Variants in TASOR2 observed in about 807,000 individuals in gnomAD.
TASOR2 encodes the protein transcription activation suppressor family member 2, also known as protein TASOR 2.
A neutral mutation model predicts 199.5 loss-of-function variants in TASOR2; 84 were observed. The observed-to-expected ratio is 0.42, with a 90% CI of 0.35 to 0.50. The LOEUF (loss-of-function observed/expected upper bound fraction) is 0.50. TASOR2 is among the 20% of genes least tolerant of loss of function. The probability of loss-of-function intolerance (pLI) is 0.02; values close to 1 mark genes in which losing one functional copy is unlikely to be tolerated. For synonymous variants in TASOR2, 1,103 were observed against 1,046.6 expected (o/e 1.05, Z -1.04); for missense variants, 2,796 against 2,835.9 (o/e 0.99, Z 0.32).
chr10:5,749,590 G>A (rs201298628), exon 15 of TASOR2: 26 of 1,614,106 alleles, frequency 1.6e-5, no homozygotes, highest in Non-Finnish European at 2.1e-5. Context: ...GCCCAGGAGA[G>A]GCTACACAGC....
chr10:5,750,863 C>T lies in TASOR2; in HGVS notation c.6606+836C>T, dbSNP rs1362873227. On this transcript the variant is annotated intron_variant, in intron 15 of 20. Transcript: ENST00000328090. This position sits in a 1 kb window ranked among gnomAD's most constrained non-coding sequence, Gnocchi z 5.4. ...TAATTAAAGTGACCATCTCCATTAA[C>T]CTCATCTAGGTCTAGGATCATAGGT... 2.0e-5 allele frequency among the ~76,000 whole-genome samples: 3 copies of T among 152,196 alleles called. No homozygotes were observed. The highest frequency in any genetic ancestry group is 7.2e-5 in the African/African-American group (3 of 41,434).
intron 1 of TASOR2, among the ~76,000 whole-genome samples, chr10:5,707,610 G>T (rs910823959): frequency 1.5e-4 from 22 of 151,608 alleles, no homozygotes; most frequent in African/African-American, 5.1e-4. Flanking sequence ...AAAGGGAGTG[G>T]AATTACCATA....
chr10:5,746,223 T>G, exon 15 of TASOR2: 1 of 1,610,778 alleles, frequency 6.2e-7, no homozygotes, highest in African/African-American at 1.3e-5. Context: ...AGACTTCTAA[T>G]CTTGTGCTTT....
chr10:5,749,372 A>G (rs1837688907), exon 15 of TASOR2: 2 of 1,614,148 alleles, frequency 1.2e-6, no homozygotes, highest in African/African-American at 2.7e-5. Flanking sequence ...CGTTTTGCAC[A>G]TAAACTAAAA....
intron 1 of TASOR2, among the ~76,000 whole-genome samples, chr10:5,691,273 T>C (rs1436290320): frequency 1.3e-5 from 2 of 152,132 alleles, no homozygotes; most frequent in East Asian, 3.9e-4. Context: ...TTACATAATG[T>C]AGGAGGAAAA....
Position 5,748,225 on chromosome 10 carries a change from A to G in TASOR2, c.4804A>G (p.Asn1602Asp). 6.2e-7 allele frequency: 1 copy of G among 1,614,206 alleles called. No individual in the cohort carries two copies. Among genetic ancestry groups the G allele is most frequent in the Non-Finnish European group, 8.5e-7 (1 of 1,180,022 alleles). The change falls in exon 15 of 21, where the codon AAT becomes GAT. Residue 1602 changes from asparagine (N) to aspartate (D), a missense_variant. Transcript: ENST00000328090. This position sits in a 1 kb window ranked among gnomAD's most constrained non-coding sequence, Gnocchi z 5.1. ...CACAACTGCACCAAGTGGTATAGTG[A>G]ATGTGTCAGTAAAACAGCAGACTAG...
intron 15 of TASOR2, among the ~76,000 whole-genome samples, chr10:5,753,114 A>T (rs1300218549): frequency 6.6e-6 from 1 of 152,184 alleles, no homozygotes; most frequent in Non-Finnish European, 1.5e-5. Flanking sequence ...AGAAAGAAGT[A>T]GCATCATATT....
intron 18 of TASOR2, among the ~76,000 whole-genome samples, chr10:5,759,433 G>C (rs79590278): frequency 6.6e-6 from 1 of 152,326 alleles, no homozygotes; most frequent in East Asian, 1.9e-4. Context: ...GTCTAAAGCT[G>C]TAATTTATAA....
At chr10:5,735,877 C>T (rs557359505) in intron 12 of TASOR2, among the ~76,000 whole-genome samples, 14 of 152,208 alleles carry the variant, frequency 9.2e-5, no homozygotes, top group African/African-American at 3.4e-4. Context: ...TTTTTCTAGA[C>T]CATTATCAAT....
rs1357257382 is a variant in TASOR2 at position 5,689,934 on chromosome 10, A to G, written c.-288+4759A>G. Reference sequence around the variant, plus strand: ...GGAAGAGGGGGTAGAGTTTTTGACTACTCTTTTCATTTTCTTCATCATTAT... The same window carrying G: ...GGAAGAGGGGGTAGAGTTTTTGACTGCTCTTTTCATTTTCTTCATCATTAT... On this transcript the variant is annotated intron_variant, in intron 1 of 20. Transcript: ENST00000328090. This position sits in a 1 kb window ranked among gnomAD's most constrained non-coding sequence, Gnocchi z 4.1. 1.3e-5 allele frequency among the ~76,000 whole-genome samples: 2 copies of G among 151,182 alleles called. No individual in the cohort carries two copies. Among genetic ancestry groups the G allele is most frequent in the African/African-American group, 4.9e-5 (2 of 41,072 alleles).
intron 14 of TASOR2, among the ~76,000 whole-genome samples, chr10:5,743,201 A>G (rs1317554476): frequency 1.3e-5 from 2 of 152,206 alleles, no homozygotes; most frequent in Non-Finnish European, 2.9e-5. Context: ...CTAGAATAAT[A>G]TTGCTTGGGT....
At chr10:5,723,722 G>A in exon 7 of TASOR2, 2 of 1,602,684 alleles carry the variant, frequency 1.2e-6, no homozygotes, top group Non-Finnish European at 8.5e-7. Flanking sequence ...TGTCTTCCTT[G>A]AAAAAAAGAC....
At chr10:5,691,279 GA>G (rs1836398889) in intron 1 of TASOR2, among the ~76,000 whole-genome samples, 1 of 151,994 alleles carries the variant, frequency 6.6e-6, no homozygotes, top group Admixed American at 6.6e-5. Context: ...AATGTAGGAG[GA>G]AAAAAATTGT....
rs987258149 is a variant in TASOR2 at position 5,698,740 on chromosome 10, G to A, written c.-288+13565G>A. ...TGACCTTTTGAAGTAGATGGAAAAT[G>A]TGACCTAAGGTTTTAATACAAATTT... On this transcript the variant is annotated intron_variant, in intron 1 of 20. Transcript: ENST00000328090. This position sits in a 1 kb window ranked among gnomAD's most constrained non-coding sequence, Gnocchi z 4.4. Among the ~76,000 whole-genome samples the A allele has an allele frequency of 2.0e-5, 3 of 152,156 alleles. No individual in the cohort carries two copies. The highest frequency in any genetic ancestry group is 6.5e-5 in the Admixed American group (1 of 15,276).
rs1835743139 is a variant in TASOR2 at position 5,737,245 on chromosome 10, T to G, written c.1447+1699T>G. 6.6e-6 allele frequency among the ~76,000 whole-genome samples: 1 copy of G among 152,012 alleles called. No homozygotes were observed. The highest frequency in any genetic ancestry group is 6.6e-5 in the Admixed American group (1 of 15,258). The stretch of plus-strand genomic sequence containing the variant: ...CCTCCCAAAGTGCTGGGATTACAGG[T>G]GTGAGCCACCACGCCCAGCCAGGTT... On this transcript the variant is annotated intron_variant, in intron 12 of 20. Coordinates refer to ENST00000328090, the Ensembl canonical transcript of TASOR2. This position sits in a 1 kb window ranked among gnomAD's most constrained non-coding sequence, Gnocchi z 4.9.
chr10:5,719,514 T>G lies in TASOR2; in HGVS notation c.-99-1030T>G, dbSNP rs1833090559. 6.6e-6 allele frequency among the ~76,000 whole-genome samples: 1 copy of G among 152,146 alleles called. No individual in the cohort carries two copies. The highest frequency in any genetic ancestry group is 2.1e-4 in the South Asian group (1 of 4,818). On this transcript the variant is annotated intron_variant, in intron 3 of 20. Coordinates refer to ENST00000328090, the Ensembl canonical transcript of TASOR2. The surrounding 1 kb of genome is among the most constrained non-coding windows in gnomAD (Gnocchi z 4.1). ...CGCGCTACCACACCCAGCTAATTTT[T>G]TTGTATTTTTAGTAAAGGCAGGGTT...
rs1246880661 is a variant in TASOR2 at position 5,689,554 on chromosome 10, C to T, written c.-288+4379C>T. On this transcript the variant is annotated intron_variant, in intron 1 of 20. Transcript: ENST00000328090. This position sits in a 1 kb window ranked among gnomAD's most constrained non-coding sequence, Gnocchi z 4.1. ...GGCAGAGGTTGCAGTGAGCAGAGAT[C>T]ACGCCACTGCACTCCAGCCTGGGCG... Among the ~76,000 whole-genome samples the T allele has an allele frequency of 1.3e-5, 2 of 152,062 alleles. No homozygotes were observed. The highest frequency in any genetic ancestry group is 2.9e-5 in the Non-Finnish European group (2 of 67,992).
exon 15 of TASOR2, chr10:5,746,939 C>A: frequency 6.2e-7 from 1 of 1,614,164 alleles, no homozygotes; most frequent in African/African-American, 1.3e-5. Flanking sequence ...CATCTATCAC[C>A]CAGTGAAGAA....
At chr10:5,724,581 G>A in intron 8 of TASOR2, 48 bp downstream of exon 9, 3 of 612,310 alleles carry the variant, frequency 4.9e-6, no homozygotes, top group Non-Finnish European at 7.1e-6. Context: ...TTCTTTAATT[G>A]ATATATATTA....
Sources: allele counts gnomAD v4.1 joint callset (sites outside exome capture counted in the v4.1 genomes callset), GRCh38; gene constraint gnomAD v4.1.1; non-coding constraint Gnocchi (gnomAD v3.1); transcripts MANE v1.5; gene names NCBI Gene and HGNC (gene_info 2026-07-23, HGNC 2026-07-21).